Variants in KIAA0825 observed in about 807,000 individuals in gnomAD.
KIAA0825 encodes uncharacterized protein KIAA0825.
Under a neutral mutation model 147.6 loss-of-function variants are expected in KIAA0825, and 119 were observed. The observed-to-expected ratio is 0.81, with a 90% CI of 0.69 to 0.94. The LOEUF (loss-of-function observed/expected upper bound fraction) is 0.94, where lower values mean the gene tolerates loss of function less well. KIAA0825 is among the 40% of genes least tolerant of loss of function. The pLI is 0.00. For missense variants in KIAA0825, 1,381 were observed against 1,472.7 expected, an observed-to-expected ratio of 0.94 and a Z score of 1.02; for synonymous variants, 470 against 518.1, an observed-to-expected ratio of 0.91 and a Z score of 1.26.
intron 2 of KIAA0825, among the ~76,000 whole-genome samples, chr5:94,571,490 C>T (rs1444299317): frequency 1.3e-5 from 2 of 152,146 alleles, no homozygotes; most frequent in Non-Finnish European, 2.9e-5. Context: ...CACAAGAAAA[C>T]TTGAAACTAA....
intron 1 of KIAA0825, among the ~76,000 whole-genome samples, chr5:94,600,990 T>G (rs1786317278): frequency 6.6e-6 from 1 of 152,134 alleles, no homozygotes; most frequent in Non-Finnish European, 1.5e-5. Context: ...CTTAGGTGTT[T>G]CAGCAACTTA....
chr5:94,519,315 AAAT>A lies in KIAA0825; in HGVS notation c.970+930_970+932del, dbSNP rs1194227393. Reference sequence around the variant, plus strand: ...TAAATTCAAAGATCCATAATTCACCAAATAATAATTTTCAAATACTTAAGCCAT... The same window carrying A: ...TAAATTCAAAGATCCATAATTCACCAAATAATTTTCAAATACTTAAGCCAT... On this transcript the variant is annotated intron_variant, in intron 5 of 20. Coordinates refer to ENST00000682413, the MANE Select transcript of KIAA0825 (RefSeq NM_001145678.3). The A allele has an allele frequency of 7.7e-6, 7 of 905,702 alleles. No homozygotes were observed. The African/African-American group carries it at 1.3e-4, about 16-fold the overall frequency. The allele number at this position is 905,702 out of a possible 1,614,324, so 56.1% of individuals were successfully genotyped here.
Position 94,464,904 on chromosome 5 carries a change from C to T in KIAA0825, c.2028G>A (p.Arg676=). The T allele has an allele frequency of 6.4e-7, 1 of 1,551,540 alleles. No individual in the cohort carries two copies. Among genetic ancestry groups the T allele is most frequent in the Admixed American group, 2.0e-5 (1 of 50,992 alleles). ...GAGTTCTTTTACGGCTGGGGTGGGCCCGAGCGTATCTGGAGGCCAGTAGAC... is the reference window on the plus strand; with the variant it reads ...GAGTTCTTTTACGGCTGGGGTGGGCTCGAGCGTATCTGGAGGCCAGTAGAC... ...SLSLLASRYA[R]AHPSRKRTPQ... The change falls in exon 11 of 21, where the codon CGG becomes CGA. Residue 676 remains arginine, a synonymous_variant. Transcript: ENST00000682413.
At chr5:94,519,689 G>T (rs553531701) in intron 5 of KIAA0825, 2 of 721,350 alleles carry the variant, frequency 2.8e-6, no homozygotes, top group Admixed American at 1.3e-4. Context: ...TATTAGAATT[G>T]ACTGACTAAA....
rs1360108243 is a variant in KIAA0825, at chr5:94,484,675, G to GT, written c.1132+93dup. The stretch of plus-strand genomic sequence containing the variant: ...TTATTTAAAGAATTCTTTCATGTGT[G>GT]TTTTTTTCAAGTAATCGTTTTCATT... On this transcript the variant is annotated intron_variant, in intron 6 of 20. Coordinates refer to ENST00000682413, the MANE Select transcript of KIAA0825 (RefSeq NM_001145678.3). The GT allele has an allele frequency of 1.3e-5, 11 of 820,014 alleles. No homozygotes were observed. The East Asian group carries it at 2.0e-4, about 15-fold the overall frequency. 50.8% of individuals were successfully genotyped at this position (820,014 alleles called of 1,614,324 possible). A position where few individuals can be genotyped will look rare whatever the true frequency, so the allele number is the denominator to read the frequency against.
At chr5:94,231,439 A>C (rs896786344) in intron 20 of KIAA0825, among the ~76,000 whole-genome samples, 5 of 152,142 alleles carry the variant, frequency 3.3e-5, no homozygotes, top group African/African-American at 1.2e-4. Context: ...GTTTATTAGA[A>C]GGGTAGTTTC....
chr5:94,347,195 G>A (rs115749931), intron 20 of KIAA0825, among the ~76,000 whole-genome samples: 4,226 of 152,210 alleles, frequency 0.028, 163 homozygotes, highest in African/African-American at 0.096. Context: ...ACTTGGCCCT[G>A]CCCCCACATG....
chr5:94,562,365 TTTTTA>T (rs1478010184), intron 2 of KIAA0825, among the ~76,000 whole-genome samples: 1 of 152,200 alleles, frequency 6.6e-6, no homozygotes, highest in Non-Finnish European at 1.5e-5. Context: ...CTATACTGGC[TTTTTA>T]TTTTATTTGC....
chr5:94,228,399 A>T (rs1166470486), intron 20 of KIAA0825, among the ~76,000 whole-genome samples: 1 of 152,158 alleles, frequency 6.6e-6, no homozygotes, highest in Admixed American at 6.5e-5. Context: ...AATTTTAGAT[A>T]TTGATTATTT....
intron 2 of KIAA0825, among the ~76,000 whole-genome samples, chr5:94,547,286 G>A (rs1774596890): frequency 2.0e-5 from 3 of 151,988 alleles, no homozygotes; most frequent in Admixed American, 1.3e-4. Context: ...GGGGCAGAAA[G>A]TTTATTGAAA....
At chr5:94,375,037 T>TC (rs1307754219) in intron 20 of KIAA0825, among the ~76,000 whole-genome samples, 1 of 149,342 alleles carries the variant, frequency 6.7e-6, no homozygotes, top group East Asian at 1.9e-4. Flanking sequence ...CCTTCTCTTT[T>TC]TTTTTTTTTT....
At chr5:94,314,748 G>A (rs1398858916) in intron 20 of KIAA0825, among the ~76,000 whole-genome samples, 1 of 151,514 alleles carries the variant, frequency 6.6e-6, no homozygotes, top group Non-Finnish European at 1.5e-5. Flanking sequence ...AGGTGTAGGA[G>A]GCCTACTACT....
intron 20 of KIAA0825, among the ~76,000 whole-genome samples, chr5:94,200,241 C>T (rs530223058): frequency 1.8e-4 from 27 of 152,232 alleles, no homozygotes; most frequent in South Asian, 6.2e-4. Flanking sequence ...CCTGGAGATC[C>T]GTGATAAGAG....
rs545943328 is a variant in KIAA0825, at chr5:94,564,214, GT to G, written c.-2+18218del. Among the ~76,000 whole-genome samples the G allele has an allele frequency of 3.1e-3, 330 of 105,190 alleles. 1 individual carries two copies. Among genetic ancestry groups the G allele is most frequent in the African/African-American group, 8.5e-3 (237 of 27,852 alleles). 69.0% of individuals were successfully genotyped at this position (105,190 alleles called of 152,430 possible). ...AGCTCTTTTTCTTTCTATTCCCCTT[GT>G]TTTTTTTTTTTTTTTTTTGCAGACA... On this transcript the variant is annotated intron_variant, in intron 2 of 20. Transcript: ENST00000682413.
intron 20 of KIAA0825, among the ~76,000 whole-genome samples, chr5:94,207,933 G>A (rs1305232955): frequency 3.3e-5 from 5 of 152,210 alleles, no homozygotes; most frequent in African/African-American, 7.2e-5. Flanking sequence ...AACAATTGCC[G>A]AACTGTTCAT....
At chr5:94,354,551 G>A (rs1203641218) in intron 20 of KIAA0825, among the ~76,000 whole-genome samples, 1 of 151,242 alleles carries the variant, frequency 6.6e-6, no homozygotes, top group African/African-American at 2.4e-5. Flanking sequence ...TTTTTCCAAG[G>A]GACAGAGAAA....
At chr5:94,499,589 G>GT (rs953312486) in intron 5 of KIAA0825, among the ~76,000 whole-genome samples, 2 of 145,750 alleles carry the variant, frequency 1.4e-5, no homozygotes, top group Non-Finnish European at 3.0e-5. Context: ...CCAATCTGGG[G>GT]GGGGGGGGGG....
intron 20 of KIAA0825, among the ~76,000 whole-genome samples, chr5:94,252,464 T>G (rs75981757): frequency 0.12 from 18,784 of 151,636 alleles, 1,355 homozygotes; most frequent in Non-Finnish European, 0.15. Flanking sequence ...TGTATATATA[T>G]ATAGAGAGAG....
At chr5:94,490,974 G>A (rs1382808684) in intron 5 of KIAA0825, among the ~76,000 whole-genome samples, 3 of 152,102 alleles carry the variant, frequency 2.0e-5, no homozygotes, top group Admixed American at 6.6e-5. Flanking sequence ...TACAGGTAGT[G>A]GCTGCAAGCA....
Sources: allele counts gnomAD v4.1 joint callset (sites outside exome capture counted in the v4.1 genomes callset), GRCh38; gene constraint gnomAD v4.1.1; transcripts MANE v1.5; gene names NCBI Gene and HGNC (gene_info 2026-07-23, HGNC 2026-07-21).